NBPF6: variants seen among roughly 807,000 people sequenced by gnomAD.
The protein encoded by NBPF6 is NBPF member 6.
NBPF6 carries 2 observed loss-of-function variants against 20.8 expected under a neutral mutation model. The observed-to-expected ratio is 0.10, with a 90% CI of 0.04 to 0.30. The LOEUF (loss-of-function observed/expected upper bound fraction) is 0.30, where lower values mean the gene tolerates loss of function less well. Among genes scored for constraint, NBPF6 ranks in the 10% least tolerant of loss-of-function variants. The probability of loss-of-function intolerance (pLI) is 1.00; values close to 1 mark genes in which losing one functional copy is unlikely to be tolerated. For missense variants in NBPF6, 85 were observed against 260.3 expected, an observed-to-expected ratio of 0.33 and a Z score of 4.63; for synonymous variants, 24 against 100.0, an observed-to-expected ratio of 0.24 and a Z score of 4.53.
At chr1:108,447,793 G>T (rs1204804516), upstream of NBPF6, among the ~76,000 whole-genome samples, 1 of 142,230 alleles carries the variant, frequency 7.0e-6, no homozygotes, top group Non-Finnish European at 1.5e-5. Flanking sequence ...ATCACGGCCA[G>T]GTCATTCTGA....
rs1342821737 is a variant in NBPF6, at chr1:108,466,074, CT to C, written c.1660+658del. 3.4e-3 allele frequency among the ~76,000 whole-genome samples: 115 copies of C among 33,400 alleles called. 11 individuals carry two copies. The highest frequency in any genetic ancestry group is 5.4e-3 in the Non-Finnish European group (88 of 16,194). The allele number at this position is 33,400 out of a possible 152,430, so 21.9% of individuals were successfully genotyped here. On this transcript the variant is annotated intron_variant, in intron 13 of 14. Transcript: ENST00000495380. ...CCAGCTGCTTCTGCTGTTTTTTCTG[CT>C]TTTTTTTGAAATAAAAGGGCAACTT...
At chr1:108,470,388 C>G (rs1293151698) in intron 14 of NBPF6, among the ~76,000 whole-genome samples, 5 of 144,224 alleles carry the variant, frequency 3.5e-5, no homozygotes, top group Non-Finnish European at 7.5e-5. Flanking sequence ...ATATCCTGCA[C>G]CCCAGGCTGA....
chr1:108,449,428 A>G (rs1302771663), upstream of NBPF6, among the ~76,000 whole-genome samples: 4 of 11,058 alleles, frequency 3.6e-4, 1 homozygote, highest in Non-Finnish European at 1.5e-3. Context: ...ATATATATAT[A>G]TATATATATA....
At chr1:108,459,531 G>A (rs537698180) in intron 9 of NBPF6, among the ~76,000 whole-genome samples, 416 of 146,906 alleles carry the variant, frequency 2.8e-3, no homozygotes, top group African/African-American at 9.7e-3. Context: ...ATGCGATTTC[G>A]GGGATACGAT....
chr1:108,459,522 T>C (rs980499328), intron 9 of NBPF6, among the ~76,000 whole-genome samples: 6 of 148,980 alleles, frequency 4.0e-5, no homozygotes, highest in African/African-American at 1.5e-4. Context: ...CTTGATGCCA[T>C]GCGATTTCGG....
At chr1:108,459,180 GA>G (rs1331400942) in intron 9 of NBPF6, 71 bp downstream of exon 9, 1 of 308,966 alleles carries the variant, frequency 3.2e-6, no homozygotes, top group African/African-American at 3.2e-5. Context: ...CAGAAAACCA[GA>G]AAGTCCTGAA....
chr1:108,436,592 C>CAAAA, the NBPF6 span, among the ~76,000 whole-genome samples: 10 of 16,346 alleles, frequency 6.1e-4, no homozygotes, highest in Non-Finnish European at 1.0e-3. Flanking sequence ...GGCTCTGTCT[C>CAAAA]AAAAAAAAAA....
rs1347901235 is a variant in NBPF6 at position 108,470,757 on chromosome 1, G to T, written c.*119G>T. ...CACTGAGGATTGAATTTCAGACACAGAATACTCTTGATGACTTCAAGCCAC... is the reference window on the plus strand; with the variant it reads ...CACTGAGGATTGAATTTCAGACACATAATACTCTTGATGACTTCAAGCCAC... On this transcript the variant is annotated 3_prime_UTR_variant, in exon 15 of 15. Coordinates refer to ENST00000495380, the MANE Select transcript of NBPF6 (RefSeq NM_001143988.2). 1 of 700,962 alleles carries T rather than the reference G, an allele frequency of 1.4e-6. No homozygotes were observed. Among genetic ancestry groups the T allele is most frequent in the African/African-American group, 1.8e-5 (1 of 54,118 alleles). The allele number at this position is 700,962 out of a possible 1,614,324, so 43.4% of individuals were successfully genotyped here.
chr1:108,459,525 G>A (rs1255989369), intron 9 of NBPF6, among the ~76,000 whole-genome samples: 4 of 148,286 alleles, frequency 2.7e-5, no homozygotes, highest in African/African-American at 7.4e-5. Context: ...GATGCCATGC[G>A]ATTTCGGGGA....
chr1:108,467,906 C>T (rs1653229910), intron 14 of NBPF6, among the ~76,000 whole-genome samples: 1 of 150,504 alleles, frequency 6.6e-6, no homozygotes, highest in South Asian at 2.1e-4. Context: ...GAGTCCCTCT[C>T]ATGGCCACAG....
rs773391588 is a variant in NBPF6, at chr1:108,470,632, A to G, written c.1911A>G (p.Ile637Met). 3 of 1,558,082 alleles carry G rather than the reference A, an allele frequency of 1.9e-6. No homozygotes were observed. In the South Asian group the frequency reaches 3.6e-5, roughly 18 times the overall value. ...CTGCTGAAAGGATGCAAAGGATGAT[A>G]GGATGAAAGAATGTCACAAAAAGCA... is the stretch of plus-strand genomic sequence containing the variant. ...PNTAERMQRM[I>M]G is the part of the protein sequence containing the mutation. The change falls in exon 15 of 15, where the codon ATA (isoleucine) becomes ATG (methionine). Residue 637 changes from isoleucine to methionine, a missense_variant. By Grantham distance (10) the Ile-to-Met change is conservative. Around this residue, in one of 5 missense-constraint regions of NBPF6, gnomAD observed 31 missense variants for 21.0 expected, o/e 1.48. Transcript: ENST00000495380.
Position 108,465,289 on chromosome 1 carries a change from C to G in NBPF6, c.1525C>G (p.Leu509Val). 3 of 1,192,226 alleles carry G rather than the reference C, an allele frequency of 2.5e-6. 1 individual carries two copies. Among genetic ancestry groups the G allele is most frequent in the Non-Finnish European group, 3.4e-6 (3 of 880,330 alleles). 73.9% of individuals were successfully genotyped at this position (1,192,226 alleles called of 1,614,324 possible). Residue 509 changes from leucine (L) to valine (V), a missense_variant, in exon 13 of 15, where the codon CTG becomes GTG. Leu to Val is a conservative substitution (Grantham distance 32). Transcript: ENST00000495380. The part of the protein sequence containing the change: ...ISQAQLEPST[L>V]VPSCLRLQLD... Reference sequence around the variant, plus strand: ...ACAGGCACAGCTGGAACCAAGCACCCTGGTGCCCAGTTGTCTGCGACTACA... The same window carrying G: ...ACAGGCACAGCTGGAACCAAGCACCGTGGTGCCCAGTTGTCTGCGACTACA...
rs1160734403 is a variant in NBPF6 at position 108,471,605 on chromosome 1, T to A, written c.*967T>A. ...ATCATCAATTAATCACCCCTGCCTGTGTCAGTTATTATATTTATGTTTTTA... is the reference window on the plus strand; with the variant it reads ...ATCATCAATTAATCACCCCTGCCTGAGTCAGTTATTATATTTATGTTTTTA... On this transcript the variant is annotated 3_prime_UTR_variant, in exon 15 of 15. Transcript: ENST00000495380. 6.6e-6 allele frequency among the ~76,000 whole-genome samples: 1 copy of A among 152,238 alleles called. No homozygotes were observed. Among genetic ancestry groups the A allele is most frequent in the Non-Finnish European group, 1.5e-5 (1 of 68,046 alleles).
upstream of NBPF6, among the ~76,000 whole-genome samples, chr1:108,449,416 C>CTA (rs1165819915): frequency 6.0e-3 from 53 of 8,812 alleles, 3 homozygotes; most frequent in Non-Finnish European, 0.013. Context: ...GTTAGAACAA[C>CTA]TATATATATA....
At chr1:108,435,828 C>T in the NBPF6 span, among the ~76,000 whole-genome samples, 1 of 50,562 alleles carries the variant, frequency 2.0e-5, no homozygotes, top group Non-Finnish European at 5.3e-5. Context: ...GGTAAATACG[C>T]AGGACCCCCC....
At chr1:108,436,352 T>A in the NBPF6 span, among the ~76,000 whole-genome samples, 1 of 79,460 alleles carries the variant, frequency 1.3e-5, no homozygotes, top group Admixed American at 1.3e-4. Context: ...ATCTCACACC[T>A]GTAATCCTAG....
At chr1:108,426,426 A>AAAT in the NBPF6 span, among the ~76,000 whole-genome samples, 16 of 86,344 alleles carry the variant, frequency 1.9e-4, no homozygotes, top group Non-Finnish European at 3.4e-4. Context: ...TGTCTCTTTA[A>AAAT]AAATAAATAA....
chr1:108,452,845 G>C (rs1652914173), intron 3 of NBPF6, among the ~76,000 whole-genome samples: 1 of 73,846 alleles, frequency 1.4e-5, no homozygotes, highest in African/African-American at 4.8e-5. Context: ...GGACATCCTT[G>C]TGGAACTGAT....
chr1:108,448,146 G>A (rs1158130271), upstream of NBPF6, among the ~76,000 whole-genome samples: 2 of 145,118 alleles, frequency 1.4e-5, no homozygotes, highest in African/African-American at 5.0e-5. Flanking sequence ...AGTGAAGGAA[G>A]AGGACTGGAT....
Sources: gnomAD v4.1 joint callset for allele counts (sites outside exome capture counted in the v4.1 genomes callset) on GRCh38, gnomAD v4.1.1 for gene constraint, gnomAD v4.1.1 regional missense constraint, MANE v1.5 for transcripts, NCBI Gene and HGNC (gene_info 2026-07-23, HGNC 2026-07-21) for gene names.